The following TMEM132D variants were observed in gnomAD, a reference collection of about 807,000 sequenced individuals.
TMEM132D encodes mature OL transmembrane protein.
TMEM132D carries 21 observed loss-of-function variants against 62.3 expected under a neutral mutation model. The observed-to-expected ratio is 0.34, with a 90% CI of 0.24 to 0.49. TMEM132D has a LOEUF of 0.49. Ranked by LOEUF, TMEM132D falls within the 20% of genes least tolerant of loss-of-function variation. The pLI is 0.99. For synonymous variants in TMEM132D, 621 were observed against 575.6 expected (o/e 1.08, Z -1.13); for missense variants, 1,346 against 1,402.8 (o/e 0.96, Z 0.65).
At chr12:129,580,336 G>A (rs528824576) in intron 2 of TMEM132D, among the ~76,000 whole-genome samples, 96 of 152,280 alleles carry the variant, frequency 6.3e-4, no homozygotes, top group African/African-American at 2.0e-3. Flanking sequence ...CCACATCCAC[G>A]CCTGCATTCG....
chr12:129,330,617 C>T (rs954366005), intron 4 of TMEM132D, among the ~76,000 whole-genome samples: 1 of 152,154 alleles, frequency 6.6e-6, no homozygotes, highest in African/African-American at 2.4e-5. Context: ...GCAGAGAGAC[C>T]TGAGACAGCA....
chr12:129,701,336 G>A (rs1277553804), intron 1 of TMEM132D, among the ~76,000 whole-genome samples: 1 of 152,202 alleles, frequency 6.6e-6, no homozygotes, highest in East Asian at 1.9e-4. Context: ...GAGTTAAGGG[G>A]AGAGATGCAG....
At chr12:129,833,641 C>T (rs1470148525) in intron 1 of TMEM132D, among the ~76,000 whole-genome samples, 1 of 152,018 alleles carries the variant, frequency 6.6e-6, no homozygotes, top group Non-Finnish European at 1.5e-5. Context: ...ACAAAAAACT[C>T]AGAATATTTG....
chr12:129,704,491 C>G (rs1395570962), intron 1 of TMEM132D, among the ~76,000 whole-genome samples: 1 of 152,208 alleles, frequency 6.6e-6, no homozygotes, highest in Non-Finnish European at 1.5e-5. Context: ...CTAACAGAGA[C>G]AGTGATGGGG....
intron 2 of TMEM132D, among the ~76,000 whole-genome samples, chr12:129,610,922 G>C (rs1878759147): frequency 6.6e-6 from 1 of 152,120 alleles, no homozygotes; most frequent in South Asian, 2.1e-4. Context: ...GACAGATCAA[G>C]GCACTGGTCC....
intron 5 of TMEM132D, among the ~76,000 whole-genome samples, chr12:129,117,732 A>C (rs776361849): frequency 2.4e-4 from 37 of 152,212 alleles, no homozygotes; most frequent in Non-Finnish European, 4.7e-4. Flanking sequence ...AGTGGAAGGA[A>C]GTATACTAAT....
intron 3 of TMEM132D, among the ~76,000 whole-genome samples, chr12:129,481,491 G>A (rs1874428920): frequency 6.8e-6 from 1 of 147,892 alleles, no homozygotes; most frequent in Non-Finnish European, 1.5e-5. Context: ...CCACAAAACT[G>A]TAAGACAAAC....
At chr12:129,116,172 G>A (rs1259298074) in intron 5 of TMEM132D, among the ~76,000 whole-genome samples, 2 of 152,178 alleles carry the variant, frequency 1.3e-5, no homozygotes, top group South Asian at 4.1e-4. Context: ...CTTCACCTGG[G>A]GAGTCCAAGG....
chr12:129,444,775 A>G (rs1465515587), intron 3 of TMEM132D, among the ~76,000 whole-genome samples: 1 of 152,194 alleles, frequency 6.6e-6, no homozygotes, highest in Admixed American at 6.5e-5. Flanking sequence ...CAAAACCACA[A>G]TGAGAGGCCA....
chr12:129,885,142 G>A (rs553509900), intron 1 of TMEM132D, among the ~76,000 whole-genome samples: 3 of 152,278 alleles, frequency 2.0e-5, no homozygotes, highest in Admixed American at 1.3e-4. Flanking sequence ...ATTATCAAGG[G>A]GCAAGAGGAA....
In TMEM132D at chr12:129,646,635, A is replaced by G. The variant is rs140703239; in HGVS notation, c.968+53175T>C. Among the ~76,000 whole-genome samples, 66 of 152,214 alleles carry G rather than the reference A, an allele frequency of 4.3e-4. 1 individual carries two copies. The highest frequency in any genetic ancestry group is 1.6e-3 in the African/African-American group (66 of 41,522). The stretch of plus-strand genomic sequence containing the variant: ...TCCACTGAACTCTCTATTTCCCCCA[A>G]GATAATTACAATCATCAACTTGCAT... On this transcript the variant is annotated intron_variant, in intron 2 of 8. Coordinates refer to ENST00000422113, the MANE Select transcript of TMEM132D (RefSeq NM_133448.3).
At chr12:129,224,512 C>A (rs1010202171) in intron 4 of TMEM132D, among the ~76,000 whole-genome samples, 1 of 152,220 alleles carries the variant, frequency 6.6e-6, no homozygotes, top group Non-Finnish European at 1.5e-5. Flanking sequence ...GAGCTTTGTG[C>A]AACCAGAGCT....
intron 4 of TMEM132D, among the ~76,000 whole-genome samples, chr12:129,306,486 T>C (rs1036218438): frequency 2.0e-5 from 3 of 152,190 alleles, no homozygotes; most frequent in East Asian, 1.9e-4. Flanking sequence ...TTATCCATAG[T>C]TCAAATATGT....
intron 1 of TMEM132D, among the ~76,000 whole-genome samples, chr12:129,750,534 G>T (rs1016227004): frequency 5.9e-5 from 9 of 152,206 alleles, no homozygotes; most frequent in Non-Finnish European, 1.2e-4. Context: ...CAACATTGCA[G>T]AATTACAGTA....
intron 5 of TMEM132D, among the ~76,000 whole-genome samples, chr12:129,151,077 C>T (rs1171227978): frequency 6.6e-6 from 1 of 152,148 alleles, no homozygotes; most frequent in African/African-American, 2.4e-5. Flanking sequence ...GCAGAGCACG[C>T]ATCTAATTTT....
At chr12:129,690,386 C>G (rs1379671326) in intron 2 of TMEM132D, among the ~76,000 whole-genome samples, 1 of 151,914 alleles carries the variant, frequency 6.6e-6, no homozygotes, top group African/African-American at 2.4e-5. Flanking sequence ...ACTAAATATA[C>G]CAATTAAAAG....
chr12:129,318,050 A>G (rs1317898663), intron 4 of TMEM132D, among the ~76,000 whole-genome samples: 1 of 151,940 alleles, frequency 6.6e-6, no homozygotes, highest in Non-Finnish European at 1.5e-5. Flanking sequence ...CACTTCTTGT[A>G]TCATTGTTTG....
chr12:129,470,186 G>A (rs749868842), intron 3 of TMEM132D, among the ~76,000 whole-genome samples: 2 of 152,196 alleles, frequency 1.3e-5, no homozygotes, highest in African/African-American at 2.4e-5. Flanking sequence ...CTATAAAAGC[G>A]ATTTGTTTTG....
intron 4 of TMEM132D, among the ~76,000 whole-genome samples, chr12:129,284,294 G>T (rs1455507476): frequency 6.6e-6 from 1 of 152,212 alleles, no homozygotes. Context: ...GTCCCCAGAT[G>T]CCTGAAGACC....
Sources: allele counts gnomAD v4.1 joint callset (sites outside exome capture counted in the v4.1 genomes callset), GRCh38; gene constraint gnomAD v4.1.1; transcripts MANE v1.5; gene names NCBI Gene and HGNC (gene_info 2026-07-23, HGNC 2026-07-21).